HDAC9: variants seen among roughly 807,000 people sequenced by gnomAD.
HDAC9 encodes the protein histone deacetylase 9, also known as MEF-2 interacting transcription repressor (MITR) protein.
In HDAC9, 41 loss-of-function variants were observed where a neutral mutation model predicts 139.4. The observed-to-expected ratio is 0.29, with a 90% CI of 0.23 to 0.38. The LOEUF is 0.38. Among genes scored for constraint, HDAC9 ranks in the 10% least tolerant of loss-of-function variants. The probability of loss-of-function intolerance (pLI) is 1.00; values close to 1 mark genes in which losing one functional copy is unlikely to be tolerated. For missense variants in HDAC9, 1,147 were observed against 1,297.0 expected (o/e 0.88, Z 1.78); for synonymous variants, 517 against 476.2 (o/e 1.09, Z -1.12).
At chr7:18,359,109 A>G (rs977662690) in intron 1 of HDAC9, among the ~76,000 whole-genome samples, 6 of 152,198 alleles carry the variant, frequency 3.9e-5, no homozygotes, top group African/African-American at 1.4e-4. Context: ...TAATCCCAGC[A>G]CTTTGGGAGG....
intron 21 of HDAC9, among the ~76,000 whole-genome samples, chr7:18,855,435 G>A (rs888930786): frequency 6.6e-6 from 1 of 151,876 alleles, no homozygotes; most frequent in African/African-American, 2.4e-5. Context: ...ATGGTCAGTA[G>A]CTCTATCCAC....
intron 1 of HDAC9, among the ~76,000 whole-genome samples, chr7:18,331,992 G>A (rs1346860686): frequency 6.6e-6 from 1 of 151,596 alleles, no homozygotes; most frequent in East Asian, 1.9e-4. Context: ...TCCAGAGCCA[G>A]GACTGGAACA....
At chr7:18,739,521 C>G (rs1057188816) in intron 13 of HDAC9, among the ~76,000 whole-genome samples, 2 of 152,176 alleles carry the variant, frequency 1.3e-5, no homozygotes, top group Non-Finnish European at 2.9e-5. Context: ...CATCAGGTCC[C>G]TCAGCTACAG....
chr7:18,349,851 A>G (rs138294986), intron 1 of HDAC9, among the ~76,000 whole-genome samples: 116 of 152,316 alleles, frequency 7.6e-4, no homozygotes, highest in Non-Finnish European at 1.4e-3. Flanking sequence ...TGGCTATTCA[A>G]TATTAATACT....
At chr7:18,189,512 G>T (rs17138751) in intron 2 of HDAC9, among the ~76,000 whole-genome samples, 25,844 of 152,044 alleles carry the variant, frequency 0.17, 2,691 homozygotes, top group South Asian at 0.34. Flanking sequence ...GAATCACGTG[G>T]GGCTTATTAG....
In HDAC9 at chr7:18,975,954, G is replaced by A. The variant is rs1784520087; in HGVS notation, c.3170+1G>A. On this transcript the variant is annotated splice_donor_variant, in intron 25 of 25. Coordinates refer to ENST00000686413, the MANE Select transcript of HDAC9 (RefSeq NM_178425.4). LOFTEE classifies it high-confidence loss of function. ...AGCCCTTTGCTCAGGAAGACAGCAG[G>A]TATGAATCCAACGTGCGGGAATAAT... is the stretch of plus-strand genomic sequence containing the variant. 2 of 1,613,124 alleles carry A rather than the reference G, an allele frequency of 1.2e-6. No homozygotes were observed. The highest frequency in any genetic ancestry group is 1.7e-6 in the Non-Finnish European group (2 of 1,179,562).
At chr7:18,651,269 A>G (rs1456862235) in intron 11 of HDAC9, among the ~76,000 whole-genome samples, 2 of 152,160 alleles carry the variant, frequency 1.3e-5, no homozygotes, top group Non-Finnish European at 2.9e-5. Context: ...CCATGGATGA[A>G]CCTTTATGAA....
intron 2 of HDAC9, among the ~76,000 whole-genome samples, chr7:18,560,249 C>T (rs1351951296): frequency 6.6e-6 from 1 of 152,188 alleles, no homozygotes. Context: ...GGGCTCACTC[C>T]TGCTATTCTA....
intron 6 of HDAC9, among the ~76,000 whole-genome samples, chr7:18,624,112 C>G (rs1840993649): frequency 6.6e-6 from 1 of 152,114 alleles, no homozygotes; most frequent in Non-Finnish European, 1.5e-5. Flanking sequence ...AATGACAAGT[C>G]TGGGCAGTGT....
intron 6 of HDAC9, among the ~76,000 whole-genome samples, chr7:18,604,642 G>T (rs749218888): frequency 6.6e-6 from 1 of 151,826 alleles, no homozygotes; most frequent in Non-Finnish European, 1.5e-5. Flanking sequence ...CTCATGATCC[G>T]CCTGTCTCGG....
In HDAC9 at chr7:18,254,612, T is replaced by G. The variant is rs190903243; in HGVS notation, c.25+92263T>G. Among the ~76,000 whole-genome samples the G allele has an allele frequency of 3.3e-5, 5 of 152,314 alleles. No individual in the cohort carries two copies. In the East Asian group the frequency reaches 9.6e-4, roughly 29 times the overall value. ...AAGGTTTATCTGAGGTAACCTTTGCTGCTTGTTGGAAGTATGTAGCTGAGT... is the reference window on the plus strand; with the variant it reads ...AAGGTTTATCTGAGGTAACCTTTGCGGCTTGTTGGAAGTATGTAGCTGAGT... On this transcript the variant is annotated intron_variant, in intron 2 of 12. Transcript: ENST00000417496.
In HDAC9 at chr7:18,744,012, G is replaced by GTTTTTTTTTTTTT. The variant is rs35414332; in HGVS notation, c.1910-4984_1910-4972dup. On this transcript the variant is annotated intron_variant, in intron 13 of 25. Transcript: ENST00000686413. ...TTTTTACATCTCACTTTTACTACTAGTTTTTTTTTTTTTTTTTTTTTGAGA... is the reference window on the plus strand; with the variant it reads ...TTTTTACATCTCACTTTTACTACTAGTTTTTTTTTTTTTTTTTTTTTTTTTTTTTTTTTTGAGA... Among the ~76,000 whole-genome samples the GTTTTTTTTTTTTT allele has an allele frequency of 9.7e-4, 107 of 110,428 alleles. 4 individuals carry two copies. In the East Asian group the frequency reaches 0.012, roughly 12 times the overall value. 72.4% of individuals were successfully genotyped at this position (110,428 alleles called of 152,430 possible). A position where few individuals can be genotyped will look rare whatever the true frequency, so the allele number is the denominator to read the frequency against.
At chr7:18,345,786 C>G (rs1413780896) in intron 1 of HDAC9, among the ~76,000 whole-genome samples, 1 of 151,784 alleles carries the variant, frequency 6.6e-6, no homozygotes, top group Non-Finnish European at 1.5e-5. Flanking sequence ...GTTGGTGCTG[C>G]CTATACCTTC....
intron 2 of HDAC9, among the ~76,000 whole-genome samples, chr7:18,263,924 A>G (rs1385373539): frequency 6.6e-6 from 1 of 152,144 alleles, no homozygotes. Flanking sequence ...GGCCTGGCTG[A>G]CACAATAGAT....
chr7:18,262,125 A>G (rs1369008334), intron 2 of HDAC9, among the ~76,000 whole-genome samples: 1 of 152,220 alleles, frequency 6.6e-6, no homozygotes, highest in African/African-American at 2.4e-5. Context: ...ATAAAACCAA[A>G]ACAAAGCAAT....
chr7:18,160,818 A>G (rs1158972897), intron 1 of HDAC9, among the ~76,000 whole-genome samples: 2 of 152,042 alleles, frequency 1.3e-5, no homozygotes, highest in African/African-American at 4.8e-5. Flanking sequence ...GGGTTTCACA[A>G]TCTTGGCCAG....
At position 18,456,233 on chromosome 7, in the gene HDAC9, T is replaced by G. The variant is rs957338867; in HGVS notation, c.-41-40029T>G. 5.9e-5 allele frequency among the ~76,000 whole-genome samples: 9 copies of G among 152,268 alleles called. No individual in the cohort carries two copies. The East Asian group carries it at 1.7e-3, about 29-fold the overall frequency. On this transcript the variant is annotated intron_variant, in intron 1 of 3. Coordinates refer to the HDAC9 transcript ENST00000413509. Reference sequence around the variant, plus strand: ...AACTTTACTTTTGATTTGATTTGATTGGTTGGTTGGTTGATTTTTTTGAGA... The same window carrying G: ...AACTTTACTTTTGATTTGATTTGATGGGTTGGTTGGTTGATTTTTTTGAGA...
At chr7:18,852,996 A>G (rs1797415434) in intron 21 of HDAC9, among the ~76,000 whole-genome samples, 1 of 152,132 alleles carries the variant, frequency 6.6e-6, no homozygotes, top group Admixed American at 6.6e-5. Context: ...ACCAGTATTT[A>G]CATGGGGAGC....
At chr7:18,290,706 G>A (rs1016362302) in intron 1 of HDAC9, among the ~76,000 whole-genome samples, 4 of 152,100 alleles carry the variant, frequency 2.6e-5, no homozygotes, top group Non-Finnish European at 5.9e-5. Flanking sequence ...ATTACATTGA[G>A]CAAAAAATTC....
Sources: allele counts gnomAD v4.1 joint callset (sites outside exome capture counted in the v4.1 genomes callset), GRCh38; gene constraint gnomAD v4.1.1; transcripts MANE v1.5; gene names NCBI Gene and HGNC (gene_info 2026-07-23, HGNC 2026-07-21).